The following RBM12B variants were observed in gnomAD, a reference collection of about 807,000 sequenced individuals.
RBM12B encodes the protein RNA binding motif protein 12B, also known as RNA-binding protein 12B.
In RBM12B, 10 loss-of-function variants were observed where a neutral mutation model predicts 34.3. The observed-to-expected ratio is 0.29, with a 90% CI of 0.18 to 0.49. RBM12B has a LOEUF of 0.49. Among genes scored for constraint, RBM12B ranks in the 20% least tolerant of loss-of-function variants. The pLI is 0.99. For missense variants in RBM12B, 1,139 were observed against 1,262.7 expected (o/e 0.90, Z 1.48); for synonymous variants, 477 against 437.1 (o/e 1.09, Z -1.14).
rs1811736186 is a variant in RBM12B, at chr8:93,730,261, C to T, written c.*3144G>A. On this transcript the variant is annotated 3_prime_UTR_variant, in exon 4 of 4. Transcript: ENST00000520560. ...AAAAACAGAGGCAGCAAGGTCACTA[C>T]TTAACAGGTGATATATGGATCAAGA... The T allele has an allele frequency of 6.6e-6, 1 of 152,178 alleles. No individual in the cohort carries two copies. The highest frequency in any genetic ancestry group is 1.5e-5 in the Non-Finnish European group (1 of 68,042). The allele number at this position is 152,178 out of a possible 1,614,324, so 9.4% of individuals were successfully genotyped here.
rs765143621 is a variant in RBM12B at position 93,736,436 on chromosome 8, G to A, written c.-26C>T. ...GCTGAGCTCAAACCACAGCAATAATGACCTGCAGACAAAAAGGTACACATA... is the reference window on the plus strand; with the variant it reads ...GCTGAGCTCAAACCACAGCAATAATAACCTGCAGACAAAAAGGTACACATA... On this transcript the variant is annotated splice_region_variant and 5_prime_UTR_variant, in exon 4 of 4. Coordinates refer to ENST00000520560, the MANE Select transcript of RBM12B (RefSeq NM_001377960.1). The A allele has an allele frequency of 6.0e-5, 91 of 1,520,860 alleles. No individual in the cohort carries two copies. The highest frequency in any genetic ancestry group is 1.3e-4 in the Admixed American group (6 of 45,244). 94.2% of individuals were successfully genotyped at this position (1,520,860 alleles called of 1,614,324 possible).
chr8:93,734,230 A>T lies in RBM12B; in HGVS notation c.2181T>A (p.Pro727=), dbSNP rs763269150. 5 of 1,603,870 alleles carry T rather than the reference A, an allele frequency of 3.1e-6. No homozygotes were observed. Among genetic ancestry groups the T allele is most frequent in the Non-Finnish European group, 3.4e-6 (4 of 1,174,682 alleles). Residue 727 remains proline (P), a synonymous_variant, in exon 4 of 4, where the codon CCT becomes CCA. Transcript: ENST00000520560. ...QSPQEHFRRP[P]QEHFRRPPPE... ...GGGGTGGCCGACGGAAATGCTCCTG[A>T]GGTGGCCTCCGGAAATGCTCCTGGG...
Position 93,735,931 on chromosome 8 carries a change from T to A in RBM12B, c.480A>T (p.Arg160=), listed in dbSNP as rs1812005539. Residue 160 remains arginine (R), a synonymous_variant, in exon 4 of 4, where the codon CGA becomes CGT. Transcript: ENST00000520560. ...LKAENPYLFL[R]GLPYLVNEDD... ...CTTCATTTACTAGGTAAGGCAAACC[T>A]CGTAGAAACAAGTAAGGATTCTCGG... 1 of 1,614,132 alleles carries A rather than the reference T, an allele frequency of 6.2e-7. No homozygotes were observed. The highest frequency in any genetic ancestry group is 1.7e-5 in the Admixed American group (1 of 60,008).
At chr8:93,739,480 TA>T (rs1183714463) in intron 2 of RBM12B, among the ~76,000 whole-genome samples, 1 of 152,204 alleles carries the variant, frequency 6.6e-6, no homozygotes, top group Non-Finnish European at 1.5e-5. Flanking sequence ...GACAGTAGGG[TA>T]ATGTACCATT....
chr8:93,734,342 T>C lies in RBM12B; in HGVS notation c.2069A>G (p.Glu690Gly). The C allele has an allele frequency of 6.2e-7, 1 of 1,612,786 alleles. No individual in the cohort carries two copies. Among genetic ancestry groups the C allele is most frequent in the Non-Finnish European group, 8.5e-7 (1 of 1,179,672 alleles). Residue 690 changes from glutamate to glycine, a missense_variant, in exon 4 of 4, where the codon GAA becomes GGA. Coordinates refer to ENST00000520560, the MANE Select transcript of RBM12B (RefSeq NM_001377960.1). ...EEDFRRPLQG[E>G]WRRPPEDDFR... ...GTCATCCTCGGGTGGTCGCCTCCAT[T>C]CTCCCTGAAGAGGCCGCCTAAAGTC...
At position 93,733,696 on chromosome 8, in the gene RBM12B, A is replaced by T; in HGVS notation, c.2715T>A (p.Ser905Arg). 6.2e-7 allele frequency: 1 copy of T among 1,614,034 alleles called. No homozygotes were observed. The highest frequency in any genetic ancestry group is 1.1e-5 in the South Asian group (1 of 91,084). The change falls in exon 4 of 4, where the codon AGT becomes AGA. Residue 905 changes from serine (S) to arginine (R), a missense_variant. By Grantham distance (110) the Ser-to-Arg change is moderately radical. Transcript: ENST00000520560. Reference protein sequence around the residue: ...KFDFGKHNMGSFPEGRFMPDP... With the variant: ...KFDFGKHNMGRFPEGRFMPDP... ...CAGGCATAAATCTCCCCTCAGGAAAACTTCCCATATTATGCTTTCCAAAAT... is the reference window on the plus strand; with the variant it reads ...CAGGCATAAATCTCCCCTCAGGAAATCTTCCCATATTATGCTTTCCAAAAT...
rs765108959 is a variant in RBM12B at position 93,734,083 on chromosome 8, CGGGGGCGGGCGCCTGAAATGCTCT to C, written c.2304_2327del (p.Pro776_Pro783del). On this transcript the variant is annotated inframe_deletion, in exon 4 of 4. Transcript: ENST00000520560. ...CCTGGGGCGGTCTCCGGAAGTGCTC[CGGGGGCGGGCGCCTGAAATGCTCT>C]GGGGGTGGCCGCCTGAAGTGCTCTG... 26 of 1,563,158 alleles carry C rather than the reference CGGGGGCGGGCGCCTGAAATGCTCT, an allele frequency of 1.7e-5. No homozygotes were observed. The highest frequency in any genetic ancestry group is 6.7e-5 in the East Asian group (3 of 44,450).
In RBM12B at chr8:93,729,488, T is replaced by C. The variant is rs1400720535; in HGVS notation, c.*3917A>G. The C allele has an allele frequency of 6.6e-6, 1 of 152,192 alleles. No individual in the cohort carries two copies. The highest frequency in any genetic ancestry group is 6.5e-5 in the Admixed American group (1 of 15,274). The allele number at this position is 152,192 out of a possible 1,614,324, so 9.4% of individuals were successfully genotyped here. On this transcript the variant is annotated 3_prime_UTR_variant, in exon 4 of 4. Transcript: ENST00000520560. ...AGTTATTATTTTGCTGCTTACTAAATAGCAACTTCTCTTGAGCATTATTTG... is the reference window on the plus strand; with the variant it reads ...AGTTATTATTTTGCTGCTTACTAAACAGCAACTTCTCTTGAGCATTATTTG...
intron 2 of RBM12B, among the ~76,000 whole-genome samples, chr8:93,739,389 A>G (rs1189270390): frequency 1.3e-5 from 2 of 152,206 alleles, no homozygotes; most frequent in Admixed American, 1.3e-4. Flanking sequence ...CATGAATTCC[A>G]ATTCAAGCAG....
At position 93,736,151 on chromosome 8, in the gene RBM12B, C is replaced by A. The variant is rs1421588293; in HGVS notation, c.260G>T (p.Arg87Ile). 2 of 1,614,192 alleles carry A rather than the reference C, an allele frequency of 1.2e-6. No individual in the cohort carries two copies. Among genetic ancestry groups the A allele is most frequent in the South Asian group, 1.1e-5 (1 of 91,078 alleles). The change falls in exon 4 of 4, where the codon AGA (arginine) becomes ATA (isoleucine). Residue 87 changes from arginine (R) to isoleucine (I), a missense_variant. Physicochemically the swap from Arg to Ile is moderately conservative, Grantham distance 97. This residue lies in a region of RBM12B where 216 missense variants were observed against 292.2 expected (regional missense o/e 0.74). Transcript: ENST00000520560. Reference protein sequence around the residue: ...AEMQKTIEMKRTDRVGRGRPG... With the variant: ...AEMQKTIEMKITDRVGRGRPG... ...ACGCCCTCTTCCTACACGATCAGTTCTTTTCATTTCTATAGTCTTCTGCAT... is the reference window on the plus strand; with the variant it reads ...ACGCCCTCTTCCTACACGATCAGTTATTTTCATTTCTATAGTCTTCTGCAT...
Position 93,735,826 on chromosome 8 carries a change from A to G in RBM12B, c.585T>C (p.Gly195=), listed in dbSNP as rs775272978. The G allele has an allele frequency of 7.2e-5, 117 of 1,613,978 alleles. No individual in the cohort carries two copies. The highest frequency in any genetic ancestry group is 8.9e-5 in the Non-Finnish European group (105 of 1,180,038). The change falls in exon 4 of 4, where the codon GGT becomes GGC. Residue 195 remains glycine, a synonymous_variant. Transcript: ENST00000520560. ...FLKHHDGRNN[G]DAIVKFASCV... Reference sequence around the variant, plus strand: ...ATGAAGCAAATTTTACTATGGCATCACCATTATTTCGGCCATCATGATGTT... The same window carrying G: ...ATGAAGCAAATTTTACTATGGCATCGCCATTATTTCGGCCATCATGATGTT...
At position 93,736,089 on chromosome 8, in the gene RBM12B, TAGAC is replaced by T; in HGVS notation, c.318_321del (p.Ser107IlefsTer35). The T allele has an allele frequency of 1.9e-6, 3 of 1,614,184 alleles. No individual in the cohort carries two copies. The highest frequency in any genetic ancestry group is 2.5e-6 in the Non-Finnish European group (3 of 1,180,038). On this transcript the variant is annotated frameshift_variant, in exon 4 of 4. Transcript: ENST00000520560. LOFTEE classifies it high-confidence loss of function. ...TCTTCCTTAACAGACTCAATAAAAT[TAGAC>T]AGGCTGTCAACCCCTGATGTCCCAG...
rs748688005 is a variant in RBM12B at position 93,733,566 on chromosome 8, T to G, written c.2845A>C (p.Arg949=). The G allele has an allele frequency of 5.6e-6, 9 of 1,613,600 alleles. No individual in the cohort carries two copies. The highest frequency in any genetic ancestry group is 7.6e-6 in the Non-Finnish European group (9 of 1,179,576). Residue 949 remains arginine, a synonymous_variant, in exon 4 of 4, where the codon AGA becomes CGA. Transcript: ENST00000520560. ...NEILDFFHGY[R]IIPDSVSIQY... is the part of the protein sequence containing the mutation. The stretch of plus-strand genomic sequence containing the variant: ...ATCGAAACTGAATCAGGTATGATTC[T>G]GTAACCATGGAAAAAGTCTAAAATT...
At chr8:93,737,940 C>G (rs186840573) in intron 2 of RBM12B, among the ~76,000 whole-genome samples, 2 of 152,052 alleles carry the variant, frequency 1.3e-5, no homozygotes, top group East Asian at 3.9e-4. Flanking sequence ...CAAATTAAGG[C>G]AACCATTCAA....
At position 93,735,957 on chromosome 8, in the gene RBM12B, C is replaced by A; in HGVS notation, c.454G>T (p.Ala152Ser). 1.2e-6 allele frequency: 2 copies of A among 1,614,180 alleles called. No individual in the cohort carries two copies. The highest frequency in any genetic ancestry group is 1.7e-6 in the Non-Finnish European group (2 of 1,180,022). The change falls in exon 4 of 4, where the codon GCC (alanine) becomes TCC (serine). Residue 152 changes from alanine (A) to serine (S), a missense_variant. Coordinates refer to ENST00000520560, the MANE Select transcript of RBM12B (RefSeq NM_001377960.1). ...CGTAGAAACAAGTAAGGATTCTCGG[C>A]CTTCAATGGCCTTGTCTTTCTTGGC... ...LRPRKTRPLKAENPYLFLRGL... is the reference protein window; with the variant it reads ...LRPRKTRPLKSENPYLFLRGL...
Position 93,740,972 on chromosome 8 carries a change from CAGA to C in RBM12B, c.-240_-238del, listed in dbSNP as rs1461712061. On this transcript the variant is annotated 5_prime_UTR_variant, in exon 1 of 4. Coordinates refer to ENST00000520560, the MANE Select transcript of RBM12B (RefSeq NM_001377960.1). ...AAAACAGGTAGACCCTCAGTGAGCCCAGAAGAAGATGGCGCCCACTGCCCCTCC... is the reference window on the plus strand; with the variant it reads ...AAAACAGGTAGACCCTCAGTGAGCCCAGAAGATGGCGCCCACTGCCCCTCC... 1 of 177,722 alleles carries C rather than the reference CAGA, an allele frequency of 5.6e-6. No homozygotes were observed. The highest frequency in any genetic ancestry group is 1.2e-5 in the Non-Finnish European group (1 of 81,928). The allele number at this position is 177,722 out of a possible 1,614,324, so 11.0% of individuals were successfully genotyped here. A position where few individuals can be genotyped will look rare whatever the true frequency, so the allele number is the denominator to read the frequency against.
In RBM12B at chr8:93,732,469, G is replaced by A. The variant is rs2130428708; in HGVS notation, c.*936C>T. 6.6e-6 allele frequency: 1 copy of A among 152,300 alleles called. No individual in the cohort carries two copies. The highest frequency in any genetic ancestry group is 2.1e-4 in the South Asian group (1 of 4,832). 9.4% of individuals were successfully genotyped at this position (152,300 alleles called of 1,614,324 possible). A position where few individuals can be genotyped will look rare whatever the true frequency, so the allele number is the denominator to read the frequency against. ...GAACCTAATATTACATGCAAGTTAT[G>A]TGACTCATCAGTAAATTCTTCCTAG... On this transcript the variant is annotated 3_prime_UTR_variant, in exon 4 of 4. Coordinates refer to ENST00000520560, the MANE Select transcript of RBM12B (RefSeq NM_001377960.1).
chr8:93,738,408 A>G (rs536530347), intron 2 of RBM12B, among the ~76,000 whole-genome samples: 3 of 152,346 alleles, frequency 2.0e-5, no homozygotes, highest in Admixed American at 6.5e-5. Flanking sequence ...TTTCAGGGAT[A>G]CCCAAACTAT....
chr8:93,733,759 A>C lies in RBM12B; in HGVS notation c.2652T>G (p.Pro884=). The C allele has an allele frequency of 6.2e-7, 1 of 1,614,168 alleles. No homozygotes were observed. The highest frequency in any genetic ancestry group is 8.5e-7 in the Non-Finnish European group (1 of 1,180,030). Reference sequence around the variant, plus strand: ...CTTCTGGGCGACCAAAATTCACAAAAGGGCGGTGACTTCTAAAATCATCAG... The same window carrying C: ...CTTCTGGGCGACCAAAATTCACAAACGGGCGGTGACTTCTAAAATCATCAG... ...SPPDDFRSHR[P]FVNFGRPEGG... Residue 884 remains proline (P), a synonymous_variant, in exon 4 of 4, where the codon CCT becomes CCG. Coordinates refer to ENST00000520560, the MANE Select transcript of RBM12B (RefSeq NM_001377960.1).
Sources: allele counts gnomAD v4.1 joint callset (sites outside exome capture counted in the v4.1 genomes callset), GRCh38; gene constraint gnomAD v4.1.1; regional missense constraint gnomAD v4.1.1; transcripts MANE v1.5; gene names NCBI Gene and HGNC (gene_info 2026-07-23, HGNC 2026-07-21).